The following DNAH9 variants were observed in gnomAD, a reference collection of about 807,000 sequenced individuals.
The protein encoded by DNAH9 is DNAH9 variant protein.
In DNAH9, 345 loss-of-function variants were observed where a neutral mutation model predicts 471.6. That is an observed-to-expected ratio of 0.73 (90% CI 0.67 to 0.80). The LOEUF (loss-of-function observed/expected upper bound fraction) is 0.80. DNAH9 is among the 30% of genes least tolerant of loss of function. The probability of loss-of-function intolerance (pLI) is 0.00; values close to 1 mark genes in which losing one functional copy is unlikely to be tolerated. For synonymous variants in DNAH9, 2,093 were observed against 2,123.6 expected, an observed-to-expected ratio of 0.99 and a Z score of 0.40; for missense variants, 5,407 against 5,609.2, an observed-to-expected ratio of 0.96 and a Z score of 1.15.
intron 29 of DNAH9, among the ~76,000 whole-genome samples, chr17:11,739,742 T>A (rs2150832782): frequency 6.6e-6 from 1 of 152,288 alleles, no homozygotes; most frequent in Admixed American, 6.5e-5. Flanking sequence ...AAAACACAAA[T>A]ACATTTCATC....
intron 19 of DNAH9, among the ~76,000 whole-genome samples, chr17:11,681,754 C>G (rs548483964): frequency 6.6e-6 from 1 of 152,048 alleles, no homozygotes; most frequent in Non-Finnish European, 1.5e-5. Flanking sequence ...TATTTGCCCA[C>G]AGAAATATTA....
intron 2 of DNAH9, 26 bp downstream of exon 2, chr17:11,608,351 G>A (rs745916988): frequency 6.5e-7 from 1 of 1,544,684 alleles, no homozygotes; most frequent in Admixed American, 1.7e-5. Flanking sequence ...CTGGCCATAT[G>A]GGCCTCTGAG....
intron 41 of DNAH9, among the ~76,000 whole-genome samples, chr17:11,786,425 T>C (rs553332441): frequency 6.6e-6 from 1 of 152,040 alleles, no homozygotes; most frequent in East Asian, 1.9e-4. Flanking sequence ...AGAGATGAGG[T>C]TGGAAAGGTA....
chr17:11,635,647 A>G (rs2073148837), intron 8 of DNAH9, among the ~76,000 whole-genome samples: 1 of 152,186 alleles, frequency 6.6e-6, no homozygotes, highest in Non-Finnish European at 1.5e-5. Flanking sequence ...GTGTATTGGT[A>G]TATCCTAAAT....
intron 26 of DNAH9, among the ~76,000 whole-genome samples, chr17:11,708,319 G>A (rs2074765653): frequency 1.3e-5 from 2 of 152,154 alleles, no homozygotes; most frequent in Non-Finnish European, 2.9e-5. Flanking sequence ...TGACTTAGGG[G>A]CAAGGTCTGT....
At position 11,874,954 on chromosome 17, in the gene DNAH9, C is replaced by T; in HGVS notation, c.10248C>T (p.Pro3416=). ...WRPYLSQLKT[P]IPVTPALDPL... is the part of the protein sequence containing the mutation. ...TGGTGTTTCTTCTTCACCAGACTCC[C>T]ATTCCAGTCACCCCAGCCCTGGATC... Residue 3416 remains proline, a synonymous_variant, in exon 53 of 69, where the codon CCC becomes CCT. Coordinates refer to ENST00000262442, the MANE Select transcript of DNAH9 (RefSeq NM_001372.4). 1 of 1,612,896 alleles carries T rather than the reference C, an allele frequency of 6.2e-7. No homozygotes were observed. Among genetic ancestry groups the T allele is most frequent in the Non-Finnish European group, 8.5e-7 (1 of 1,179,032 alleles).
intron 10 of DNAH9, among the ~76,000 whole-genome samples, chr17:11,642,592 G>T (rs1016773742): frequency 6.6e-6 from 1 of 152,180 alleles, no homozygotes. Flanking sequence ...GGTATTGATT[G>T]GTTATTGAAA....
intron 52 of DNAH9, among the ~76,000 whole-genome samples, chr17:11,872,716 C>G (rs994618710): frequency 1.3e-5 from 2 of 151,968 alleles, no homozygotes; most frequent in South Asian, 2.1e-4. Flanking sequence ...GTCAGGAGAT[C>G]GAGACCATCT....
chr17:11,826,664 G>A (rs183087820), intron 48 of DNAH9, among the ~76,000 whole-genome samples: 85 of 150,296 alleles, frequency 5.7e-4, no homozygotes, highest in Non-Finnish European at 1.1e-3. Context: ...GGGTTTCACC[G>A]TGTTAGCCAG....
intron 45 of DNAH9, among the ~76,000 whole-genome samples, chr17:11,817,050 C>T (rs1970123334): frequency 2.1e-5 from 3 of 145,662 alleles, no homozygotes; most frequent in Admixed American, 1.3e-4. Context: ...CAGAGCGAGC[C>T]GTCTCAAAAA....
intron 35 of DNAH9, among the ~76,000 whole-genome samples, chr17:11,759,118 T>C (rs1040334529): frequency 4.6e-5 from 7 of 150,854 alleles, no homozygotes; most frequent in African/African-American, 7.3e-5. Context: ...AGTTTTAAAA[T>C]GTTTTTTAAA....
At chr17:11,750,488 G>C (rs1047712994) in intron 32 of DNAH9, among the ~76,000 whole-genome samples, 1 of 151,994 alleles carries the variant, frequency 6.6e-6, no homozygotes, top group Non-Finnish European at 1.5e-5. Context: ...TTCCTTTCCT[G>C]ATTGGTTCAT....
At position 11,929,865 on chromosome 17, in the gene DNAH9, G is replaced by T; in HGVS notation, c.11878-1G>T. The T allele has an allele frequency of 1.2e-6, 2 of 1,612,284 alleles. No homozygotes were observed. The highest frequency in any genetic ancestry group is 8.5e-7 in the Non-Finnish European group (1 of 1,179,262). Reference sequence around the variant, plus strand: ...AGGGGGGGCTCCTTCCTTCCCACTAGAACATTCACCTGGTGGCCAAGTGGC... The same window carrying T: ...AGGGGGGGCTCCTTCCTTCCCACTATAACATTCACCTGGTGGCCAAGTGGC... On this transcript the variant is annotated splice_acceptor_variant, in intron 62 of 68. Transcript: ENST00000262442. LOFTEE classifies it high-confidence loss of function.
At chr17:11,798,164 T>C (rs1235030430) in intron 43 of DNAH9, among the ~76,000 whole-genome samples, 5 of 152,108 alleles carry the variant, frequency 3.3e-5, no homozygotes, top group Non-Finnish European at 7.4e-5. Context: ...CTGGACAGGA[T>C]GACTCATGCC....
intron 38 of DNAH9, among the ~76,000 whole-genome samples, chr17:11,773,697 C>T (rs1391707326): frequency 6.6e-6 from 1 of 152,138 alleles, no homozygotes; most frequent in African/African-American, 2.4e-5. Context: ...ATTATTTAAA[C>T]CTTTTATGTT....
chr17:11,801,552 G>A (rs2150918264), intron 43 of DNAH9, among the ~76,000 whole-genome samples: 1 of 152,294 alleles, frequency 6.6e-6, no homozygotes, highest in East Asian at 1.9e-4. Flanking sequence ...GCTGGGCATG[G>A]TGGCAGCGTG....
intron 6 of DNAH9, 189 bp downstream of exon 6, chr17:11,619,970 G>C: frequency 1.7e-6 from 1 of 571,978 alleles, no homozygotes. Context: ...TAGCACTTTG[G>C]GAGGCAAAGG....
intron 53 of DNAH9, among the ~76,000 whole-genome samples, chr17:11,879,557 T>C (rs1403547728): frequency 1.3e-5 from 2 of 152,162 alleles, no homozygotes; most frequent in Non-Finnish European, 2.9e-5. Flanking sequence ...AATCAAGCTA[T>C]TTACATATTT....
intron 33 of DNAH9, among the ~76,000 whole-genome samples, chr17:11,754,876 G>A (rs1331377888): frequency 6.6e-6 from 1 of 152,054 alleles, no homozygotes; most frequent in Non-Finnish European, 1.5e-5. Flanking sequence ...AATGGCTTTT[G>A]GCATCTTTGT....
Sources: gnomAD v4.1 joint callset for allele counts (sites outside exome capture counted in the v4.1 genomes callset) on GRCh38, gnomAD v4.1.1 for gene constraint, MANE v1.5 for transcripts, NCBI Gene and HGNC (gene_info 2026-07-23, HGNC 2026-07-21) for gene names.